NCAM1: variants seen among roughly 807,000 people sequenced by gnomAD.
NCAM1 encodes the protein antigen recognized by monoclonal antibody 5.1H11.
NCAM1 carries 14 observed loss-of-function variants against 109.8 expected under a neutral mutation model. The ratio of observed to expected loss-of-function variants is 0.13; its 90% CI spans 0.08 to 0.20. The LOEUF is 0.20. Among genes scored for constraint, NCAM1 ranks in the 10% least tolerant of loss-of-function variants. The probability of loss-of-function intolerance (pLI) is 1.00; values close to 1 mark genes in which losing one functional copy is unlikely to be tolerated. For missense variants in NCAM1, 774 were observed against 1,109.9 expected (o/e 0.70, Z 4.30); for synonymous variants, 418 against 442.9 (o/e 0.94, Z 0.70).
chr11:113,189,410 A>G (rs532415671), intron 1 of NCAM1, among the ~76,000 whole-genome samples: 12 of 147,782 alleles, frequency 8.1e-5, no homozygotes, highest in Non-Finnish European at 1.3e-4. Context: ...AGATCATGCC[A>G]CTGCAGTCTG....
chr11:113,150,347 G>A (rs2136263699), intron 1 of NCAM1, among the ~76,000 whole-genome samples: 1 of 152,264 alleles, frequency 6.6e-6, no homozygotes, highest in South Asian at 2.1e-4. Context: ...ATGGTTTGTG[G>A]CAAAGGGCTG....
At chr11:113,023,188 G>T (rs1339519529) in intron 1 of NCAM1, among the ~76,000 whole-genome samples, 1 of 152,208 alleles carries the variant, frequency 6.6e-6, no homozygotes, top group Non-Finnish European at 1.5e-5. Context: ...CATCATAAGT[G>T]TGGGTTATCT....
Position 113,259,554 on chromosome 11 carries a change from C to T in NCAM1, c.1954-592C>T, listed in dbSNP as rs571978368. On this transcript the variant is annotated intron_variant, in intron 16 of 19. Coordinates refer to ENST00000316851, the MANE Select transcript of NCAM1 (RefSeq NM_181351.5). ...GGAGTGGTGCTTGAGTCTCTGCATG[C>T]CCTGAAGGTGATGGGACCTTGACGG... Among the ~76,000 whole-genome samples the T allele has an allele frequency of 1.5e-3, 232 of 152,288 alleles. 1 individual carries two copies. The highest frequency in any genetic ancestry group is 4.9e-3 in the African/African-American group (204 of 41,572).
intron 1 of NCAM1, among the ~76,000 whole-genome samples, chr11:113,176,137 G>A (rs1555106981): frequency 6.6e-6 from 1 of 152,158 alleles, no homozygotes; most frequent in Non-Finnish European, 1.5e-5. Context: ...AGACTCTACT[G>A]TTGAGAACAC....
At chr11:113,062,010 T>C (rs894932337) in intron 1 of NCAM1, among the ~76,000 whole-genome samples, 1 of 152,178 alleles carries the variant, frequency 6.6e-6, no homozygotes, top group Non-Finnish European at 1.5e-5. Context: ...GCATGAGTCT[T>C]AGGAGAAGTA....
In NCAM1 at chr11:113,274,308, C is replaced by T. The variant is rs1349417805; in HGVS notation, c.2457-959C>T. Among the ~76,000 whole-genome samples the T allele has an allele frequency of 1.3e-5, 2 of 152,168 alleles. No homozygotes were observed. Among genetic ancestry groups the T allele is most frequent in the African/African-American group, 4.8e-5 (2 of 41,444 alleles). On this transcript the variant is annotated intron_variant, in intron 19 of 19. Coordinates refer to ENST00000316851, the MANE Select transcript of NCAM1 (RefSeq NM_181351.5). This position sits in a 1 kb window ranked among gnomAD's most constrained non-coding sequence, Gnocchi z 4.1. ...TGCTCTTAGAGTGGCTGGGAAGACT[C>T]GGGGCTCCCCAGCATCAAATGGCTG...
At chr11:113,189,895 CTA>C (rs1943625917) in intron 1 of NCAM1, among the ~76,000 whole-genome samples, 1 of 134,556 alleles carries the variant, frequency 7.4e-6, no homozygotes, top group Non-Finnish European at 1.6e-5. Flanking sequence ...AAAAAAAAAA[CTA>C]TGCTGGATAA....
At chr11:113,243,502 T>C (rs1555119504) in intron 14 of NCAM1, 1 of 506,270 alleles carries the variant, frequency 2.0e-6, no homozygotes, top group Admixed American at 2.0e-5. Context: ...GGAATTTATC[T>C]CTTGACAATA....
At chr11:113,262,708 C>A (rs782606649) in intron 17 of NCAM1, 20 of 915,246 alleles carry the variant, frequency 2.2e-5, no homozygotes, top group South Asian at 5.9e-5. Flanking sequence ...CTCTACCTTC[C>A]CTTTCCTTCT....
intron 2 of NCAM1, 105 bp downstream of exon 2, chr11:113,202,558 G>C (rs1555112093): frequency 5.0e-6 from 5 of 998,780 alleles, no homozygotes; most frequent in Non-Finnish European, 5.8e-6. Context: ...GCCACACCTA[G>C]AATTCTTGGC....
At chr11:113,095,983 A>T (rs1939579525) in intron 1 of NCAM1, among the ~76,000 whole-genome samples, 1 of 152,150 alleles carries the variant, frequency 6.6e-6, no homozygotes, top group Non-Finnish European at 1.5e-5. Context: ...AGACAGGGTA[A>T]ACATTTAGTG....
chr11:113,015,561 C>A (rs1433257379), intron 1 of NCAM1, among the ~76,000 whole-genome samples: 1 of 151,900 alleles, frequency 6.6e-6, no homozygotes, highest in Non-Finnish European at 1.5e-5. Context: ...CATGGTGAAA[C>A]CCCATCTCTA....
intron 1 of NCAM1, among the ~76,000 whole-genome samples, chr11:113,128,030 G>A (rs781902919): frequency 2.6e-5 from 4 of 152,186 alleles, no homozygotes; most frequent in African/African-American, 4.8e-5. Context: ...TGCTGGGGCC[G>A]ACAGTGTGGT....
At chr11:113,097,754 G>C (rs1003592153) in intron 1 of NCAM1, among the ~76,000 whole-genome samples, 1 of 152,034 alleles carries the variant, frequency 6.6e-6, no homozygotes, top group East Asian at 1.9e-4. Flanking sequence ...ATCATTAATG[G>C]ACATGTATTT....
At chr11:113,263,853 G>T in intron 17 of NCAM1, 1 of 985,536 alleles carries the variant, frequency 1.0e-6, no homozygotes, top group Non-Finnish European at 1.2e-6. Flanking sequence ...GAAGGAGAGG[G>T]ACAGGCCACT....
chr11:113,270,711 G>A (rs1253508555), intron 18 of NCAM1, among the ~76,000 whole-genome samples: 1 of 152,146 alleles, frequency 6.6e-6, no homozygotes, highest in East Asian at 1.9e-4. Flanking sequence ...GCTGCCATGG[G>A]GTAGGGCAGC....
At chr11:113,118,435 G>T (rs1409434153) in intron 1 of NCAM1, among the ~76,000 whole-genome samples, 1 of 151,964 alleles carries the variant, frequency 6.6e-6, no homozygotes, top group Non-Finnish European at 1.5e-5. Context: ...AGAAGTTTTA[G>T]CTGGGCCAGT....
intron 1 of NCAM1, among the ~76,000 whole-genome samples, chr11:113,010,656 A>G (rs782733504): frequency 1.3e-5 from 2 of 152,210 alleles, no homozygotes; most frequent in African/African-American, 2.4e-5. Context: ...CTTTTATGCT[A>G]TACTCAACAG....
intron 1 of NCAM1, among the ~76,000 whole-genome samples, chr11:113,148,512 C>T (rs1303589641): frequency 3.3e-5 from 5 of 152,072 alleles, no homozygotes; most frequent in East Asian, 3.9e-4. Flanking sequence ...CAGAATGAAG[C>T]GCAGAACACC....
Sources: gnomAD v4.1 joint callset for allele counts (sites outside exome capture counted in the v4.1 genomes callset) on GRCh38, gnomAD v4.1.1 for gene constraint, Gnocchi (gnomAD v3.1) non-coding constraint, MANE v1.5 for transcripts, NCBI Gene and HGNC (gene_info 2026-07-23, HGNC 2026-07-21) for gene names.